The following GLIS1 variants were observed in gnomAD, a reference collection of about 807,000 sequenced individuals.
GLIS1 encodes the protein zinc finger protein GLIS1.
A neutral mutation model predicts 63.8 loss-of-function variants in GLIS1; 24 were observed. The ratio of observed to expected loss-of-function variants is 0.38; its 90% CI spans 0.27 to 0.53. The LOEUF is 0.53. GLIS1 is among the 20% of genes least tolerant of loss of function. GLIS1 has a pLI of 0.85. For missense variants in GLIS1, 1,036 were observed against 1,074.1 expected (o/e 0.96, Z 0.50); for synonymous variants, 450 against 482.5 (o/e 0.93, Z 0.88).
chr1:53,696,472 T>C (rs1646466104), intron 2 of GLIS1, among the ~76,000 whole-genome samples: 1 of 152,222 alleles, frequency 6.6e-6, no homozygotes, highest in Non-Finnish European at 1.5e-5. Flanking sequence ...CAGACCCATC[T>C]GAAAGATCGA....
At chr1:53,589,593 T>C (rs1031915254) in intron 4 of GLIS1, among the ~76,000 whole-genome samples, 6 of 152,172 alleles carry the variant, frequency 3.9e-5, no homozygotes, top group Non-Finnish European at 1.5e-5. Flanking sequence ...TTCAACCAGA[T>C]TGATTTCTCT....
chr1:53,534,385 T>C (rs1569773850), intron 4 of GLIS1, among the ~76,000 whole-genome samples: 1 of 152,114 alleles, frequency 6.6e-6, no homozygotes, highest in Non-Finnish European at 1.5e-5. Context: ...CGCCTCAGGC[T>C]CTATGGTACA....
At chr1:53,516,750 T>C (rs1370516264) in intron 7 of GLIS1, among the ~76,000 whole-genome samples, 1 of 151,282 alleles carries the variant, frequency 6.6e-6, no homozygotes, top group African/African-American at 2.4e-5. Context: ...AACGCGGAGG[T>C]TGCAGTGAGC....
At chr1:53,631,118 T>C (rs1231123426) in intron 2 of GLIS1, among the ~76,000 whole-genome samples, 1 of 152,234 alleles carries the variant, frequency 6.6e-6, no homozygotes, top group Non-Finnish European at 1.5e-5. Context: ...CCCATAAAAA[T>C]GTTTTAACTT....
At chr1:53,538,926 A>C (rs1009337499) in intron 4 of GLIS1, among the ~76,000 whole-genome samples, 1 of 152,104 alleles carries the variant, frequency 6.6e-6, no homozygotes, top group African/African-American at 2.4e-5. Flanking sequence ...CTTCCAGGGC[A>C]TGTGGAACCC....
At chr1:53,535,173 G>A (rs866740593) in intron 4 of GLIS1, among the ~76,000 whole-genome samples, 1 of 152,018 alleles carries the variant, frequency 6.6e-6, no homozygotes, top group Non-Finnish European at 1.5e-5. Context: ...ATGGGGTAGT[G>A]GTTCCTTCTG....
chr1:53,665,257 G>C (rs1271032260), intron 2 of GLIS1, among the ~76,000 whole-genome samples: 2 of 152,124 alleles, frequency 1.3e-5, no homozygotes, highest in Non-Finnish European at 2.9e-5. Flanking sequence ...GAAGAGACAA[G>C]GGGACTCCAA....
intron 4 of GLIS1, among the ~76,000 whole-genome samples, chr1:53,587,806 C>G (rs916653630): frequency 2.6e-5 from 4 of 152,244 alleles, no homozygotes; most frequent in African/African-American, 9.6e-5. Flanking sequence ...AGGGGGCACA[C>G]AGCAGGTGCT....
chr1:53,590,180 C>T (rs1442832995), intron 4 of GLIS1, among the ~76,000 whole-genome samples: 1 of 152,206 alleles, frequency 6.6e-6, no homozygotes, highest in Non-Finnish European at 1.5e-5. Flanking sequence ...TATCCCTAAT[C>T]ACAACAACCC....
chr1:53,534,376 G>A (rs1181959453), intron 4 of GLIS1, among the ~76,000 whole-genome samples: 8 of 151,960 alleles, frequency 5.3e-5, no homozygotes, highest in Non-Finnish European at 1.2e-4. Context: ...CATCCCGGTC[G>A]CCTCAGGCTC....
At chr1:53,694,325 G>A (rs1481291762) in intron 2 of GLIS1, among the ~76,000 whole-genome samples, 3 of 152,162 alleles carry the variant, frequency 2.0e-5, no homozygotes, top group Non-Finnish European at 2.9e-5. Flanking sequence ...CTCAGAACGC[G>A]GTTGTTCTCT....
Position 53,546,497 on chromosome 1 carries a change from G to A in GLIS1, c.1321-16545C>T, listed in dbSNP as rs540028966. Among the ~76,000 whole-genome samples the A allele has an allele frequency of 2.2e-4, 34 of 152,338 alleles. 1 individual carries two copies. In the South Asian group the frequency reaches 6.6e-3, roughly 30 times the overall value. On this transcript the variant is annotated intron_variant, in intron 4 of 10. Transcript: ENST00000628545. The stretch of plus-strand genomic sequence containing the variant: ...CTTACTCGCCTGTGTCCTCAGGCAC[G>A]TTACTCAGCCTCTCTGGTCCTGGAG...
intron 4 of GLIS1, among the ~76,000 whole-genome samples, chr1:53,533,137 A>G (rs1216873299): frequency 6.6e-6 from 1 of 152,184 alleles, no homozygotes; most frequent in Non-Finnish European, 1.5e-5. Context: ...TTGCTCTTTT[A>G]GCAAACATCT....
intron 6 of GLIS1, 147 bp downstream of exon 6, chr1:53,524,630 G>GACGGACGA (rs1308775692): frequency 1.6e-6 from 1 of 640,686 alleles, no homozygotes; most frequent in Admixed American, 2.5e-5. Flanking sequence ...GAAGTGGACG[G>GACGGACGA]ACGGACGAAC....
Position 53,514,876 on chromosome 1 carries a change from T to C in GLIS1, c.1727-95A>G, listed in dbSNP as rs1026295422. 8.1e-5 allele frequency: 112 copies of C among 1,383,790 alleles called. 1 individual carries two copies. In the African/African-American group the frequency reaches 1.5e-3, roughly 18 times the overall value. The allele number at this position is 1,383,790 out of a possible 1,614,324, so 85.7% of individuals were successfully genotyped here. On this transcript the variant is annotated intron_variant, in intron 7 of 10. Coordinates refer to ENST00000628545, the MANE Select transcript of GLIS1 (RefSeq NM_001367484.1). ...CTGTGTGTGCCTGATGATGGAGAAA[T>C]AAAGACAAGAGGGAAAATGAACAAC... is the stretch of plus-strand genomic sequence containing the variant.
chr1:53,734,031 C>G, intron 2 of GLIS1: 1 of 985,176 alleles, frequency 1.0e-6, no homozygotes, highest in Non-Finnish European at 1.2e-6. Flanking sequence ...ACCGCCCCCA[C>G]TCCGAGTCCA....
intron 2 of GLIS1, among the ~76,000 whole-genome samples, chr1:53,687,776 C>A (rs1015520497): frequency 1.3e-5 from 2 of 152,164 alleles, no homozygotes; most frequent in Non-Finnish European, 2.9e-5. Context: ...AACCAGGTAT[C>A]ACAGGGTGTT....
intron 4 of GLIS1, among the ~76,000 whole-genome samples, chr1:53,578,687 C>G (rs558413960): frequency 1.3e-5 from 2 of 152,318 alleles, no homozygotes; most frequent in East Asian, 3.9e-4. Context: ...ATTAAGTGAG[C>G]TTAGGTTTTC....
intron 4 of GLIS1, among the ~76,000 whole-genome samples, chr1:53,534,380 C>A (rs1317067545): frequency 6.6e-6 from 1 of 152,064 alleles, no homozygotes; most frequent in Non-Finnish European, 1.5e-5. Context: ...CCGGTCGCCT[C>A]AGGCTCTATG....
Sources: gnomAD v4.1 joint callset for allele counts (sites outside exome capture counted in the v4.1 genomes callset) on GRCh38, gnomAD v4.1.1 for gene constraint, MANE v1.5 for transcripts, NCBI Gene and HGNC (gene_info 2026-07-23, HGNC 2026-07-21) for gene names.